Variants in PGAP3 observed in about 807,000 individuals in gnomAD.
PGAP3 encodes the protein GPI-specific phospholipase A2-like PGAP3.
PGAP3 carries 31 observed loss-of-function variants against 40.3 expected under a neutral mutation model. That is an observed-to-expected ratio of 0.77 (90% CI 0.58 to 1.04). PGAP3 has a LOEUF of 1.04. PGAP3 is among the 50% of genes least tolerant of loss of function. The pLI is 0.00. For synonymous variants in PGAP3, 191 were observed against 184.5 expected (o/e 1.04, Z -0.29); for missense variants, 413 against 423.0 (o/e 0.98, Z 0.21).
Position 39,685,722 on chromosome 17 carries a change from C to T in PGAP3, c.279+200G>A, listed in dbSNP as rs1271136073. Reference sequence around the variant, plus strand: ...AGACTCCAAAGCCTTCCAGATATTGCTACTCCAAATCCAGAGGCAGGACAC... The same window carrying T: ...AGACTCCAAAGCCTTCCAGATATTGTTACTCCAAATCCAGAGGCAGGACAC... On this transcript the variant is annotated intron_variant, in intron 2 of 7. Transcript: ENST00000300658. 2.6e-5 allele frequency among the ~76,000 whole-genome samples: 4 copies of T among 152,116 alleles called. No individual in the cohort carries two copies. The East Asian group carries it at 7.7e-4, about 29-fold the overall frequency.
At chr17:39,687,736 T>C (rs2057579205) in intron 1 of PGAP3, 98 bp downstream of exon 1, 1 of 960,924 alleles carries the variant, frequency 1.0e-6, no homozygotes. Context: ...AGAGACCTCG[T>C]GGGGAAACTA....
chr17:39,676,182 T>C (rs1273038070), intron 3 of PGAP3, among the ~76,000 whole-genome samples: 1 of 152,128 alleles, frequency 6.6e-6, no homozygotes, highest in Admixed American at 6.5e-5. Flanking sequence ...AGAGTCAGCA[T>C]GGGGAGAGGA....
At chr17:39,677,893 T>C (rs1159680318) in intron 3 of PGAP3, among the ~76,000 whole-genome samples, 1 of 152,194 alleles carries the variant, frequency 6.6e-6, no homozygotes, top group Admixed American at 6.5e-5. Context: ...ATTGACACCA[T>C]GGCGGTGGGG....
intron 2 of PGAP3, 73 bp downstream of exon 2, chr17:39,685,849 G>C: frequency 7.3e-7 from 1 of 1,370,134 alleles, no homozygotes; most frequent in East Asian, 2.4e-5. Context: ...TGCTTGGACA[G>C]TGTGGTCCAA....
At chr17:39,679,634 G>A (rs2057415839) in intron 3 of PGAP3, among the ~76,000 whole-genome samples, 1 of 152,154 alleles carries the variant, frequency 6.6e-6, no homozygotes, top group Non-Finnish European at 1.5e-5. Flanking sequence ...TTCTTAGCCA[G>A]GACTAAATTT....
chr17:39,676,699 A>G (rs2057379576), intron 3 of PGAP3: 1 of 152,206 alleles, frequency 6.6e-6, no homozygotes, highest in African/African-American at 2.4e-5. Context: ...CTGGCTCTGC[A>G]TTTCCTGTGT....
intron 3 of PGAP3, among the ~76,000 whole-genome samples, chr17:39,674,892 C>G (rs1017143306): frequency 8.5e-5 from 13 of 152,286 alleles, no homozygotes; most frequent in African/African-American, 2.6e-4. Context: ...CCCCAAACCC[C>G]CAAGGCCACG....
chr17:39,679,656 A>G (rs1332634604), intron 3 of PGAP3, among the ~76,000 whole-genome samples: 12 of 152,262 alleles, frequency 7.9e-5, no homozygotes, highest in African/African-American at 2.4e-4. Flanking sequence ...CTTCGCTCCA[A>G]GAGGCCTACA....
intron 3 of PGAP3, among the ~76,000 whole-genome samples, chr17:39,677,742 G>A (rs182044864): frequency 1.1e-4 from 17 of 152,322 alleles, no homozygotes; most frequent in Non-Finnish European, 4.4e-5. Flanking sequence ...TGGGTGGAGG[G>A]AGAGCAAGAG....
intron 1 of PGAP3, among the ~76,000 whole-genome samples, chr17:39,686,569 T>TC (rs1275536214): frequency 1.3e-5 from 2 of 149,920 alleles, no homozygotes; most frequent in East Asian, 2.0e-4. Flanking sequence ...TTTTTTTTTT[T>TC]TTTTTTTTGA....
At chr17:39,684,969 T>A in intron 2 of PGAP3, 1 of 544,168 alleles carries the variant, frequency 1.8e-6, no homozygotes, top group Non-Finnish European at 3.2e-6. Flanking sequence ...CACAGCACTG[T>A]AAGCCCTGAT....
chr17:39,684,517 C>A, intron 3 of PGAP3, 80 bp downstream of exon 3: 1 of 1,448,392 alleles, frequency 6.9e-7, no homozygotes, highest in Non-Finnish European at 9.3e-7. Flanking sequence ...AAGTAGAAGC[C>A]CTGTTGGGTG....
At chr17:39,680,776 C>T (rs929064237) in intron 3 of PGAP3, among the ~76,000 whole-genome samples, 4 of 152,208 alleles carry the variant, frequency 2.6e-5, no homozygotes, top group Admixed American at 2.0e-4. Flanking sequence ...TTTGGGGTTC[C>T]CCAGGGCTTT....
chr17:39,682,092 G>A (rs1221362242), intron 3 of PGAP3, among the ~76,000 whole-genome samples: 1 of 151,280 alleles, frequency 6.6e-6, no homozygotes, highest in Admixed American at 6.6e-5. Context: ...CAGGTGTGGT[G>A]GTGGGCGCCT....
At chr17:39,673,024 G>C (rs113100083) in intron 7 of PGAP3, 27 bp downstream of exon 7, 2 of 1,592,344 alleles carry the variant, frequency 1.3e-6, no homozygotes, top group Admixed American at 3.6e-5. Context: ...CAAAGAAGGT[G>C]AGCACCAGGC....
chr17:39,686,944 C>G (rs912782622), intron 1 of PGAP3, among the ~76,000 whole-genome samples: 3 of 152,140 alleles, frequency 2.0e-5, no homozygotes, highest in Admixed American at 6.5e-5. Context: ...TATCTTACTC[C>G]CTTCCTATGA....
chr17:39,680,608 T>C lies in PGAP3; in HGVS notation c.432+3989A>G, dbSNP rs2952153. 9.3e-3 allele frequency among the ~76,000 whole-genome samples: 1,416 copies of C among 152,288 alleles called. 10 individuals carry two copies. The highest frequency in any genetic ancestry group is 0.013 in the Non-Finnish European group (874 of 68,020). On this transcript the variant is annotated intron_variant, in intron 3 of 7. Transcript: ENST00000300658. The stretch of plus-strand genomic sequence containing the variant: ...CAGATTCCGGGGTCTCCTTCAGTTC[T>C]CACGTGTACAATTCAGGACAGCAGA...
rs1444938520 is a variant in PGAP3 at position 39,674,688 on chromosome 17, G to A, written c.433-9C>T. 6.5e-7 allele frequency: 1 copy of A among 1,550,316 alleles called. No individual in the cohort carries two copies. The highest frequency in any genetic ancestry group is 8.7e-7 in the Non-Finnish European group (1 of 1,146,056). ...CATGCATTGAGGGACACCTAAGGAG[G>A]GAGGGGCTGGTGAGCATGCTGCCCC... On this transcript the variant is annotated splice_polypyrimidine_tract_variant and intron_variant, in intron 3 of 7. Transcript: ENST00000300658.
Position 39,674,631 on chromosome 17 carries a change from T to C in PGAP3, c.481A>G (p.Thr161Ala), listed in dbSNP as rs1311101285. The change falls in exon 4 of 8, where the codon ACT (threonine) becomes GCT (alanine). Residue 161 changes from threonine (T) to alanine (A), a missense_variant. Thr to Ala is a moderately conservative substitution (Grantham distance 58, BLOSUM62 0). Transcript: ENST00000300658. ...FWSTVFHTRD[T>A]DLTEKMDYFC... Reference sequence around the variant, plus strand: ...GGAATGCTCACCTCTGTGAGGTCAGTGTCCCTGGTGTGGAAAACTGTGGAC... The same window carrying C: ...GGAATGCTCACCTCTGTGAGGTCAGCGTCCCTGGTGTGGAAAACTGTGGAC... The C allele has an allele frequency of 6.4e-7, 1 of 1,551,258 alleles. No individual in the cohort carries two copies.
Sources: allele counts gnomAD v4.1 joint callset (sites outside exome capture counted in the v4.1 genomes callset), GRCh38; gene constraint gnomAD v4.1.1; transcripts MANE v1.5; gene names NCBI Gene and HGNC (gene_info 2026-07-23, HGNC 2026-07-21).